The following NFIB variants were observed in gnomAD, a reference collection of about 807,000 sequenced individuals.
The protein encoded by NFIB is nuclear factor 1 B-type.
Under a neutral mutation model 61.5 loss-of-function variants are expected in NFIB, and 11 were observed. The ratio of observed to expected loss-of-function variants is 0.18; its 90% CI spans 0.11 to 0.30. NFIB has a LOEUF of 0.30. NFIB is among the 10% of genes least tolerant of loss of function. The pLI, the probability that NFIB is intolerant of heterozygous loss-of-function variation, is 1.00. For missense variants in NFIB, 471 were observed against 608.9 expected (o/e 0.77, Z 2.38); for synonymous variants, 260 against 216.5 (o/e 1.20, Z -1.76).
chr9:14,297,007 CGT>C (rs1563986865), intron 2 of NFIB, among the ~76,000 whole-genome samples: 1 of 152,240 alleles, frequency 6.6e-6, no homozygotes, highest in African/African-American at 2.4e-5. Flanking sequence ...CCCTACAACA[CGT>C]GTGTGCATGC....
In NFIB at chr9:14,083,486, A is replaced by AG. The variant is rs1406617246; in HGVS notation, c.*4822_*4823insC. ...CTTGAATAGCCTGCACATTAAAAAAAAAAAAAAAAAAAAAGTTTTCTATAG... is the reference window on the plus strand; with the variant it reads ...CTTGAATAGCCTGCACATTAAAAAAAGAAAAAAAAAAAAAAGTTTTCTATAG... On this transcript the variant is annotated 3_prime_UTR_variant, in exon 11 of 11. Coordinates refer to ENST00000380953, the MANE Select transcript of NFIB (RefSeq NM_001190737.2). 124 of 214,108 alleles carry AG rather than the reference A, an allele frequency of 5.8e-4. No individual in the cohort carries two copies. The highest frequency in any genetic ancestry group is 2.7e-3 in the African/African-American group (120 of 44,220). 13.3% of individuals were successfully genotyped at this position (214,108 alleles called of 1,614,324 possible).
chr9:14,430,877 C>T, the NFIB span, among the ~76,000 whole-genome samples: 286 of 152,170 alleles, frequency 1.9e-3, 3 homozygotes, highest in Admixed American at 9.5e-3. Context: ...CCACCACGTC[C>T]GGCCCTGAAA....
chr9:14,450,292 G>A, the NFIB span, among the ~76,000 whole-genome samples: 2 of 152,044 alleles, frequency 1.3e-5, no homozygotes, highest in Non-Finnish European at 2.9e-5. Context: ...CTGTATAACT[G>A]GGAAAAGAAA....
chr9:14,497,525 A>G, the NFIB span, among the ~76,000 whole-genome samples: 126 of 152,250 alleles, frequency 8.3e-4, 1 homozygote, highest in East Asian at 0.022. Flanking sequence ...GAGAAGAACT[A>G]AAGCCAAACA....
At chr9:14,323,639 G>T (rs1008077866) in intron 1 of NFIB, among the ~76,000 whole-genome samples, 2 of 152,150 alleles carry the variant, frequency 1.3e-5, no homozygotes, top group African/African-American at 4.8e-5. Context: ...GTGATTACCA[G>T]TGAGACTAGA....
At chr9:14,268,932 G>A (rs933823100) in intron 2 of NFIB, among the ~76,000 whole-genome samples, 1 of 152,152 alleles carries the variant, frequency 6.6e-6, no homozygotes, top group African/African-American at 2.4e-5. Context: ...TGAAGACCTA[G>A]GTACAGTACA....
intron 2 of NFIB, among the ~76,000 whole-genome samples, chr9:14,295,604 C>T (rs528335960): frequency 6.6e-6 from 1 of 151,696 alleles, no homozygotes; most frequent in South Asian, 2.1e-4. Flanking sequence ...GCACTCCAGC[C>T]TGGGCTACCC....
chr9:14,187,952 C>A (rs549285280), intron 2 of NFIB, among the ~76,000 whole-genome samples: 2 of 152,304 alleles, frequency 1.3e-5, no homozygotes, highest in Admixed American at 6.5e-5. Flanking sequence ...ACCCACCCCC[C>A]ACAACAATGG....
At chr9:14,450,361 A>T in the NFIB span, among the ~76,000 whole-genome samples, 4 of 152,210 alleles carry the variant, frequency 2.6e-5, no homozygotes, top group Admixed American at 2.0e-4. Flanking sequence ...TTCAAACTGC[A>T]TTGACCTAAC....
At chr9:14,420,844 C>T in the NFIB span, among the ~76,000 whole-genome samples, 1 of 152,120 alleles carries the variant, frequency 6.6e-6, no homozygotes, top group East Asian at 1.9e-4. Flanking sequence ...CAGGAGGGAA[C>T]CTCTTGTCTC....
At chr9:14,105,613 A>T (rs2036448026) in intron 10 of NFIB, among the ~76,000 whole-genome samples, 1 of 152,146 alleles carries the variant, frequency 6.6e-6, no homozygotes, top group African/African-American at 2.4e-5. Flanking sequence ...AAGTGATGGT[A>T]TGGGTGGGGG....
intron 1 of NFIB, among the ~76,000 whole-genome samples, chr9:14,391,020 C>T (rs554132455): frequency 6.6e-6 from 1 of 152,268 alleles, no homozygotes; most frequent in African/African-American, 2.4e-5. Context: ...AGACACATTT[C>T]ACATACAGAA....
At chr9:14,297,008 G>A (rs761003345) in intron 2 of NFIB, among the ~76,000 whole-genome samples, 16 of 151,934 alleles carry the variant, frequency 1.1e-4, no homozygotes, top group South Asian at 6.2e-4. Flanking sequence ...CCTACAACAC[G>A]TGTGTGCATG....
At chr9:14,461,968 C>A in the NFIB span, among the ~76,000 whole-genome samples, 2 of 152,158 alleles carry the variant, frequency 1.3e-5, no homozygotes, top group African/African-American at 4.8e-5. Context: ...TTGATGATTT[C>A]TTCTGAGGCA....
chr9:14,510,027 G>C, the NFIB span, among the ~76,000 whole-genome samples: 1 of 152,148 alleles, frequency 6.6e-6, no homozygotes, highest in Non-Finnish European at 1.5e-5. Flanking sequence ...CTCCTGAGTA[G>C]CTGGGATACA....
At chr9:14,254,296 C>T (rs2055977734) in intron 2 of NFIB, among the ~76,000 whole-genome samples, 1 of 40,590 alleles carries the variant, frequency 2.5e-5, no homozygotes. Context: ...GTGACACTGT[C>T]TCAAAAAAAA....
chr9:14,418,674 C>T, the NFIB span, among the ~76,000 whole-genome samples: 1 of 152,080 alleles, frequency 6.6e-6, no homozygotes, highest in Non-Finnish European at 1.5e-5. Context: ...ATATGAAGTC[C>T]AAGAAATCTG....
At chr9:14,097,511 C>T (rs750394162) in intron 10 of NFIB, among the ~76,000 whole-genome samples, 17 of 152,074 alleles carry the variant, frequency 1.1e-4, no homozygotes, top group African/African-American at 4.1e-4. Flanking sequence ...AGTGAATTCG[C>T]GGGGATGTTC....
chr9:14,139,189 A>G (rs1337774321), intron 6 of NFIB, among the ~76,000 whole-genome samples: 1 of 152,198 alleles, frequency 6.6e-6, no homozygotes, highest in Non-Finnish European at 1.5e-5. Context: ...AGGCTCTGCC[A>G]TTCATTAGTT....
Sources: allele counts gnomAD v4.1 joint callset (sites outside exome capture counted in the v4.1 genomes callset), GRCh38; gene constraint gnomAD v4.1.1; transcripts MANE v1.5; gene names NCBI Gene and HGNC (gene_info 2026-07-23, HGNC 2026-07-21).